CCDC88A: variants seen among roughly 807,000 people sequenced by gnomAD.
CCDC88A encodes the protein girdin.
Under a neutral mutation model 234.3 loss-of-function variants are expected in CCDC88A, and 54 were observed. The observed-to-expected ratio is 0.23, with a 90% CI of 0.19 to 0.29. CCDC88A has a LOEUF of 0.29. Ranked by LOEUF, CCDC88A falls within the 10% of genes least tolerant of loss-of-function variation. CCDC88A has a pLI of 1.00. For missense variants in CCDC88A, 1,832 were observed against 2,123.4 expected, an observed-to-expected ratio of 0.86 and a Z score of 2.70; for synonymous variants, 753 against 737.8, an observed-to-expected ratio of 1.02 and a Z score of -0.33.
chr2:55,301,208 T>C lies in CCDC88A; in HGVS notation c.4742A>G (p.His1581Arg). 2 of 1,570,516 alleles carry C rather than the reference T, an allele frequency of 1.3e-6. No homozygotes were observed. The highest frequency in any genetic ancestry group is 1.7e-6 in the Non-Finnish European group (2 of 1,143,960). ...SDDSSTGSRV[H>R]ASRPASLDSG... is the part of the protein sequence containing the mutation. ...CTAAATAAGGTTCATTATCTTACCA[T>C]GAACTCTTGATCCCGTACTAGAATC... Residue 1581 changes from histidine (H) to arginine (R), a missense_variant and splice_region_variant, in exon 28 of 33, where the codon CAT (histidine) becomes CGT (arginine). Transcript: ENST00000436346.
In CCDC88A at chr2:55,296,357, C is replaced by T; in HGVS notation, c.4992G>A (p.Leu1664=). 1.2e-6 allele frequency: 2 copies of T among 1,614,132 alleles called. No homozygotes were observed. The highest frequency in any genetic ancestry group is 1.1e-5 in the South Asian group (1 of 91,086). ...TTTTGATCTTGTGATGTCGACTCTC[C>T]AGTGTTTCAGATATTTTGTGCTGGA... is the stretch of plus-strand genomic sequence containing the variant. The part of the protein sequence containing the change: ...PVLQHKISET[L]ESRHHKIKTG... Residue 1664 remains leucine, a synonymous_variant, in exon 30 of 33, where the codon CTG becomes CTA. Coordinates refer to ENST00000436346, the MANE Select transcript of CCDC88A (RefSeq NM_001365480.1).
chr2:55,392,965 T>C (rs567296745), intron 2 of CCDC88A, among the ~76,000 whole-genome samples: 58 of 152,266 alleles, frequency 3.8e-4, no homozygotes, highest in African/African-American at 1.4e-3. Flanking sequence ...CCCCTTTCCT[T>C]TGTTGTTGTT....
intron 13 of CCDC88A, 112 bp downstream of exon 13, chr2:55,339,349 TAAC>T (rs151327686): frequency 0.35 from 341,093 of 984,386 alleles, 66,248 homozygotes; most frequent in East Asian, 0.82. Context: ...AAAATTTTCA[TAAC>T]AAGTTAAAAT....
intron 2 of CCDC88A, among the ~76,000 whole-genome samples, chr2:55,402,296 G>C (rs970001982): frequency 6.6e-6 from 1 of 152,104 alleles, no homozygotes; most frequent in Non-Finnish European, 1.5e-5. Context: ...GCAAATCTCA[G>C]TGTTTGGCTT....
chr2:55,344,909 G>C (rs570064098), intron 10 of CCDC88A, among the ~76,000 whole-genome samples: 14 of 152,148 alleles, frequency 9.2e-5, no homozygotes, highest in Non-Finnish European at 1.6e-4. Context: ...ACTTGGAAGT[G>C]AAGGGCTTGA....
In CCDC88A at chr2:55,419,522, C is replaced by CTTTTG; in HGVS notation, c.-444_-443insCAAAA. On this transcript the variant is annotated 5_prime_UTR_variant, in exon 1 of 33. Coordinates refer to ENST00000436346, the MANE Select transcript of CCDC88A (RefSeq NM_001365480.1). Reference sequence around the variant, plus strand: ...GACCACGTTAAGGATACCGAGGCGCCACCAGACTCGACCTCGGCGTTCCGA... The same window carrying CTTTTG: ...GACCACGTTAAGGATACCGAGGCGCCTTTTGACCAGACTCGACCTCGGCGTTCCGA... The CTTTTG allele has an allele frequency of 6.9e-6, 1 of 144,324 alleles. No homozygotes were observed. The highest frequency in any genetic ancestry group is 1.5e-5 in the Non-Finnish European group (1 of 65,248). The allele number at this position is 144,324 out of a possible 1,614,324, so 8.9% of individuals were successfully genotyped here. A position where few individuals can be genotyped will look rare whatever the true frequency, so the allele number is the denominator to read the frequency against.
chr2:55,398,099 G>A (rs1352598192), intron 2 of CCDC88A, among the ~76,000 whole-genome samples: 1 of 152,148 alleles, frequency 6.6e-6, no homozygotes, highest in Non-Finnish European at 1.5e-5. Context: ...CTTAAAGATA[G>A]GTGAATGAAA....
At chr2:55,375,060 T>A (rs1447220784) in intron 3 of CCDC88A, among the ~76,000 whole-genome samples, 177 bp from the exon 4 acceptor site, 1 of 152,172 alleles carries the variant, frequency 6.6e-6, no homozygotes, top group Non-Finnish European at 1.5e-5. Context: ...ATTAAATAAC[T>A]AAAATTATAA....
At chr2:55,416,272 G>GA (rs1681366881) in intron 2 of CCDC88A, among the ~76,000 whole-genome samples, 1 of 150,104 alleles carries the variant, frequency 6.7e-6, no homozygotes, top group African/African-American at 2.4e-5. Context: ...CATTATAGAA[G>GA]AAAAAATTAA....
intron 2 of CCDC88A, among the ~76,000 whole-genome samples, chr2:55,398,549 C>A (rs1678021412): frequency 1.3e-5 from 2 of 152,250 alleles, no homozygotes; most frequent in South Asian, 4.2e-4. Context: ...GGAAAACAGG[C>A]CTTTTCACCC....
chr2:55,367,664 G>A (rs1333926061), intron 5 of CCDC88A, among the ~76,000 whole-genome samples: 2 of 151,204 alleles, frequency 1.3e-5, no homozygotes, highest in African/African-American at 2.4e-5. Context: ...GACTAAAGGC[G>A]CATCATTGAA....
rs1372027206 is a variant in CCDC88A at position 55,375,489 on chromosome 2, ATATATATATATATATATATATATGTATG to A, written c.274-634_274-607del. ...CTGTACTATATATATATATATATAT[ATATATATATATATATATATATATGTATG>A]TATGTATAAATATGTTGGGTTTTTT... On this transcript the variant is annotated intron_variant, in intron 3 of 32. Transcript: ENST00000436346. Among the ~76,000 whole-genome samples the A allele has an allele frequency of 8.8e-4, 31 of 35,066 alleles. 1 individual carries two copies. Among genetic ancestry groups the A allele is most frequent in the Middle Eastern group, 0.014 (1 of 72 alleles). The allele number at this position is 35,066 out of a possible 152,430, so 23.0% of individuals were successfully genotyped here.
intron 3 of CCDC88A, among the ~76,000 whole-genome samples, chr2:55,377,141 G>A (rs367975684): frequency 7.1e-6 from 1 of 141,752 alleles, no homozygotes; most frequent in South Asian, 2.3e-4. Context: ...CACTTCATTC[G>A]AATTTTTAGT....
chr2:55,354,508 CAT>C (rs1436267807), intron 8 of CCDC88A, among the ~76,000 whole-genome samples: 2 of 152,038 alleles, frequency 1.3e-5, no homozygotes, highest in African/African-American at 4.8e-5. Flanking sequence ...TAGTTTAAAA[CAT>C]AAACACATTG....
In CCDC88A at chr2:55,309,280, G is replaced by A. The variant is rs1682018601; in HGVS notation, c.4080-26C>T. The A allele has an allele frequency of 9.6e-7, 1 of 1,036,282 alleles. No individual in the cohort carries two copies. 64.2% of individuals were successfully genotyped at this position (1,036,282 alleles called of 1,614,324 possible). A position where few individuals can be genotyped will look rare whatever the true frequency, so the allele number is the denominator to read the frequency against. On this transcript the variant is annotated intron_variant, in intron 23 of 32. Transcript: ENST00000436346. The surrounding 1 kb of genome is among the most constrained non-coding windows in gnomAD (Gnocchi z 5.1). ...CTATAAAATAAAAATTACCTTTTAG[G>A]ACAGGCATCATATTTTGTACAGCTA... is the stretch of plus-strand genomic sequence containing the variant.
chr2:55,409,630 T>A (rs1340967141), intron 2 of CCDC88A, among the ~76,000 whole-genome samples: 1 of 151,860 alleles, frequency 6.6e-6, no homozygotes, highest in Non-Finnish European at 1.5e-5. Context: ...TACATTTAGA[T>A]CCTGATGAGA....
At position 55,326,452 on chromosome 2, in the gene CCDC88A, T is replaced by C. The variant is rs149837513; in HGVS notation, c.2997+1842A>G. ...TTAACTTTCACAGTCTACCTTAAAGTGAATACCTCTTCACATATAGTATTA... is the reference window on the plus strand; with the variant it reads ...TTAACTTTCACAGTCTACCTTAAAGCGAATACCTCTTCACATATAGTATTA... On this transcript the variant is annotated intron_variant, in intron 17 of 32. Transcript: ENST00000436346. 4.8e-3 allele frequency among the ~76,000 whole-genome samples: 738 copies of C among 152,328 alleles called. 10 individuals are homozygous for C. Among genetic ancestry groups the C allele is most frequent in the African/African-American group, 0.017 (714 of 41,578 alleles).
intron 8 of CCDC88A, among the ~76,000 whole-genome samples, chr2:55,352,236 CCTAA>C (rs1174503170): frequency 1.3e-5 from 2 of 152,006 alleles, no homozygotes; most frequent in South Asian, 2.1e-4. Context: ...TCAAGACCAG[CCTAA>C]CTAACAAAGT....
chr2:55,294,675 G>A, intron 31 of CCDC88A: 1 of 991,912 alleles, frequency 1.0e-6, no homozygotes, highest in Non-Finnish European at 1.2e-6. Flanking sequence ...GGGAGGAAAT[G>A]AACATTTTTT....
Sources: allele counts gnomAD v4.1 joint callset (sites outside exome capture counted in the v4.1 genomes callset), GRCh38; gene constraint gnomAD v4.1.1; non-coding constraint Gnocchi (gnomAD v3.1); transcripts MANE v1.5; gene names NCBI Gene and HGNC (gene_info 2026-07-23, HGNC 2026-07-21).